Variants in PI4KB observed in about 807,000 individuals in gnomAD.
The protein encoded by PI4KB is PtdIns 4-kinase beta.
Under a neutral mutation model 81.4 loss-of-function variants are expected in PI4KB, and 23 were observed. The observed-to-expected ratio is 0.28, with a 90% CI of 0.20 to 0.40. The LOEUF is 0.40. Ranked by LOEUF, PI4KB falls within the 10% of genes least tolerant of loss-of-function variation. The probability of loss-of-function intolerance (pLI) is 1.00; values close to 1 mark genes in which losing one functional copy is unlikely to be tolerated. For synonymous variants in PI4KB, 381 were observed against 406.8 expected (o/e 0.94, Z 0.76); for missense variants, 651 against 1,036.6 (o/e 0.63, Z 5.11).
At chr1:151,293,989 T>C in intron 11 of PI4KB, 29 bp downstream of exon 11, 1 of 1,613,484 alleles carries the variant, frequency 6.2e-7, no homozygotes, top group East Asian at 2.2e-5. Flanking sequence ...CCTGAGGCAC[T>C]ATAGCACCTG....
intron 1 of PI4KB, among the ~76,000 whole-genome samples, chr1:151,318,751 C>A (rs923296041): frequency 6.0e-5 from 9 of 149,340 alleles, no homozygotes; most frequent in African/African-American, 1.7e-4. Flanking sequence ...AAATTAAAGT[C>A]TTGATATATT....
chr1:151,317,670 C>T (rs1225392704), intron 1 of PI4KB, among the ~76,000 whole-genome samples: 2 of 152,128 alleles, frequency 1.3e-5, no homozygotes, highest in African/African-American at 4.8e-5. Context: ...CTCCCTTGTT[C>T]CCTAACTCTT....
intron 9 of PI4KB, among the ~76,000 whole-genome samples, chr1:151,297,198 C>T (rs908061559): frequency 2.6e-5 from 4 of 152,184 alleles, no homozygotes; most frequent in Non-Finnish European, 5.9e-5. Flanking sequence ...CCTCCCACCT[C>T]AGCCTCCAAA....
chr1:151,294,375 G>A (rs1694612870), intron 10 of PI4KB, 34 bp downstream of exon 10: 1 of 1,607,154 alleles, frequency 6.2e-7, no homozygotes, highest in African/African-American at 1.3e-5. Context: ...AGAATACAAT[G>A]ACCCCCGAGA....
chr1:151,317,974 A>C (rs1648225825), intron 1 of PI4KB, among the ~76,000 whole-genome samples: 1 of 151,732 alleles, frequency 6.6e-6, no homozygotes, highest in African/African-American at 2.4e-5. Context: ...ATGCTCAGCT[A>C]ATTAAAAAAA....
At chr1:151,317,473 T>C (rs939427352) in intron 1 of PI4KB, among the ~76,000 whole-genome samples, 5 of 152,024 alleles carry the variant, frequency 3.3e-5, no homozygotes, top group Admixed American at 6.6e-5. Context: ...TGTGCCTCCA[T>C]GCCTGGTTAA....
At position 151,307,739 on chromosome 1, in the gene PI4KB, C is replaced by T. The variant is rs1255387854; in HGVS notation, c.1017G>A (p.Leu339=). The T allele has an allele frequency of 5.0e-6, 8 of 1,614,134 alleles. No homozygotes were observed. The South Asian group carries it at 8.8e-5, about 18-fold the overall frequency. The change falls in exon 4 of 12, where the codon CTG becomes CTA. Residue 339 remains leucine (L), a synonymous_variant. Coordinates refer to ENST00000368873, the MANE Select transcript of PI4KB (RefSeq NM_001369623.2). ...TCTGCTCTTTGGTGGGGAGCGTGGC[C>T]AGCCGCTTGCCGATCGCCATCAGGG... ...IKSLMAIGKR[L]ATLPTKEQKT...
chr1:151,308,309 G>A (rs1447928749), intron 3 of PI4KB, among the ~76,000 whole-genome samples: 2 of 152,202 alleles, frequency 1.3e-5, no homozygotes, highest in African/African-American at 2.4e-5. Flanking sequence ...TTCAAAGAGG[G>A]AAGATGCTCG....
chr1:151,315,431 A>G (rs1647775159), intron 2 of PI4KB, 142 bp downstream of exon 2: 4 of 669,118 alleles, frequency 6.0e-6, no homozygotes, highest in Non-Finnish European at 1.1e-5. Flanking sequence ...AGGCCTTTCC[A>G]TTCTAACATT....
chr1:151,302,319 C>T (rs1228125746), intron 6 of PI4KB, 21 bp from the exon 7 acceptor site: 1 of 1,578,154 alleles, frequency 6.3e-7, no homozygotes, highest in African/African-American at 1.3e-5. Flanking sequence ...GAAAATACAT[C>T]ATTTGCTTGG....
chr1:151,319,519 G>T (rs1648535595), intron 1 of PI4KB, among the ~76,000 whole-genome samples: 1 of 152,170 alleles, frequency 6.6e-6, no homozygotes, highest in Non-Finnish European at 1.5e-5. Flanking sequence ...AAGGCAAAAA[G>T]AAATCAGACT....
intron 10 of PI4KB, 76 bp from the exon 11 acceptor site, chr1:151,294,214 G>C (rs146153457): frequency 6.5e-7 from 1 of 1,545,666 alleles, no homozygotes; most frequent in African/African-American, 1.4e-5. Flanking sequence ...TGGCCTACCA[G>C]AACTCCTCCT....
chr1:151,298,938 A>G lies in PI4KB; in HGVS notation c.1885T>C (p.Ser629Pro). ...IHQVKKQSQLSLLDYFLQEHG... is the reference protein window; with the variant it reads ...IHQVKKQSQLPLLDYFLQEHG... ...TCCTGTAGGAAGTAATCGAGCAAGG[A>G]GAGCTGTGACTGTTTCTTCACCTGA... The change falls in exon 9 of 12, where the codon TCC becomes CCC. Residue 629 changes from serine to proline, a missense_variant. Ser to Pro is a moderately conservative substitution (Grantham distance 74, BLOSUM62 -1). Transcript: ENST00000368873. 4 of 1,614,206 alleles carry G rather than the reference A, an allele frequency of 2.5e-6. No individual in the cohort carries two copies. Among genetic ancestry groups the G allele is most frequent in the Non-Finnish European group, 3.4e-6 (4 of 1,180,036 alleles).
At chr1:151,324,577 G>A (rs1649350121) in intron 1 of PI4KB, among the ~76,000 whole-genome samples, 1 of 152,162 alleles carries the variant, frequency 6.6e-6, no homozygotes, top group African/African-American at 2.4e-5. Flanking sequence ...ACTAGCACGA[G>A]GGTAGGGAGG....
chr1:151,315,586 T>C lies in PI4KB; in HGVS notation c.896A>G (p.Glu299Gly), dbSNP rs1462769194. 6.8e-6 allele frequency: 11 copies of C among 1,613,574 alleles called. No homozygotes were observed. The Admixed American group carries it at 8.3e-5, about 12-fold the overall frequency. Residue 299 changes from glutamate (E) to glycine (G), a missense_variant, in exon 2 of 12, where the codon GAG becomes GGG. Transcript: ENST00000368873. ...LKRTASNPKV[E>G]NEDEELSSST... ...CCAGAATTTTACCTCATCCTCATTC[T>C]CCACTTTAGGGTTGCTGGCTGTTCG...
At chr1:151,325,223 C>A (rs1187503531) in intron 1 of PI4KB, among the ~76,000 whole-genome samples, 1 of 151,970 alleles carries the variant, frequency 6.6e-6, no homozygotes, top group African/African-American at 2.4e-5. Flanking sequence ...GAACTCCTGA[C>A]CTCGGGTGAT....
At position 151,316,407 on chromosome 1, in the gene PI4KB, A is replaced by T; in HGVS notation, c.75T>A (p.Asn25Lys). ...TGATGACACTTAGCAGGGACCCCCC[A>T]TTATTCCCTGGTGGGCCAGAAGTGG... Reference protein sequence around the residue: ...SEPTSGPPGNNGGSLLSVITE... With the variant: ...SEPTSGPPGNKGGSLLSVITE... The change falls in exon 2 of 12, where the codon AAT (asparagine) becomes AAA (lysine). Residue 25 changes from asparagine to lysine, a missense_variant. This residue lies in a region of PI4KB where 314 missense variants were observed against 397.8 expected (regional missense o/e 0.79). Transcript: ENST00000368873. 6.3e-7 allele frequency: 1 copy of T among 1,593,634 alleles called. No homozygotes were observed. Among genetic ancestry groups the T allele is most frequent in the South Asian group, 1.1e-5 (1 of 87,268 alleles).
chr1:151,304,113 T>C (rs953357991), intron 5 of PI4KB, among the ~76,000 whole-genome samples: 12 of 152,268 alleles, frequency 7.9e-5, no homozygotes, highest in South Asian at 2.1e-4. Context: ...TTCAATCTTA[T>C]CTTCTCATCT....
At position 151,293,048 on chromosome 1, in the gene PI4KB, C is replaced by T. The variant is rs747571166; in HGVS notation, c.2270-15G>A. 14 of 1,612,992 alleles carry T rather than the reference C, an allele frequency of 8.7e-6. No individual in the cohort carries two copies. The highest frequency in any genetic ancestry group is 5.0e-5 in the Admixed American group (3 of 59,940). ...AAGCTGAGAACCTGGGGGAAGCAGT[C>T]GGAGTTCAGGGTCATGGATGGACGG... On this transcript the variant is annotated splice_polypyrimidine_tract_variant and intron_variant, in intron 11 of 11. Coordinates refer to ENST00000368873, the MANE Select transcript of PI4KB (RefSeq NM_001369623.2).
Sources: allele counts gnomAD v4.1 joint callset (sites outside exome capture counted in the v4.1 genomes callset), GRCh38; gene constraint gnomAD v4.1.1; regional missense constraint gnomAD v4.1.1; transcripts MANE v1.5; gene names NCBI Gene and HGNC (gene_info 2026-07-23, HGNC 2026-07-21).